PHAF1: variants seen among roughly 807,000 people sequenced by gnomAD.
The protein encoded by PHAF1 is phagosome assembly factor 1.
A neutral mutation model predicts 63.1 loss-of-function variants in PHAF1; 23 were observed. That is an observed-to-expected ratio of 0.36 (90% CI 0.26 to 0.52). PHAF1 has a LOEUF of 0.52. Among genes scored for constraint, PHAF1 ranks in the 20% least tolerant of loss-of-function variants. The pLI, the probability that PHAF1 is intolerant of heterozygous loss-of-function variation, is 0.93. For synonymous variants in PHAF1, 167 were observed against 185.0 expected, an observed-to-expected ratio of 0.90 and a Z score of 0.79; for missense variants, 427 against 517.2, an observed-to-expected ratio of 0.83 and a Z score of 1.69.
At chr16:67,118,249 G>A (rs1280653465) in intron 1 of PHAF1, among the ~76,000 whole-genome samples, 27 of 140,824 alleles carry the variant, frequency 1.9e-4, no homozygotes, top group African/African-American at 6.6e-4. Context: ...CTGGGATTAC[G>A]GACGTGAGCC....
chr16:67,116,559 C>G (rs1423688684), intron 1 of PHAF1, among the ~76,000 whole-genome samples: 3 of 152,170 alleles, frequency 2.0e-5, no homozygotes, highest in Non-Finnish European at 4.4e-5. Context: ...ATTCAATAGT[C>G]ACTGTATTGG....
chr16:67,134,778 T>C lies in PHAF1; in HGVS notation c.661+311T>C, dbSNP rs536238201. The C allele has an allele frequency of 2.0e-5, 10 of 497,000 alleles. No individual in the cohort carries two copies. In the East Asian group the frequency reaches 4.6e-4, roughly 23 times the overall value. 30.8% of individuals were successfully genotyped at this position (497,000 alleles called of 1,614,324 possible). A position where few individuals can be genotyped will look rare whatever the true frequency, so the allele number is the denominator to read the frequency against. ...CCTGGAGTCTGTTTTTTAACGGCACTGATCTCAATCCTGAGGTCTCTGCTT... is the reference window on the plus strand; with the variant it reads ...CCTGGAGTCTGTTTTTTAACGGCACCGATCTCAATCCTGAGGTCTCTGCTT... On this transcript the variant is annotated intron_variant, in intron 8 of 15. Coordinates refer to ENST00000219139, the MANE Select transcript of PHAF1 (RefSeq NM_025187.5).
In PHAF1 at chr16:67,120,196, T is replaced by A. The variant is rs1188904458; in HGVS notation, c.147+2T>A. 2 of 1,611,986 alleles carry A rather than the reference T, an allele frequency of 1.2e-6. No individual in the cohort carries two copies. Among genetic ancestry groups the A allele is most frequent in the African/African-American group, 2.7e-5 (2 of 74,826 alleles). On this transcript the variant is annotated splice_donor_variant, in intron 2 of 15. Transcript: ENST00000219139. LOFTEE classifies it high-confidence loss of function. ...GTCCAGGTTCTCTACAGTGAACAGGTGAGTGGTGGCTGATTTGTTTATTGA... is the reference window on the plus strand; with the variant it reads ...GTCCAGGTTCTCTACAGTGAACAGGAGAGTGGTGGCTGATTTGTTTATTGA...
At chr16:67,138,257 T>C (rs1963680646) in intron 8 of PHAF1, among the ~76,000 whole-genome samples, 1 of 152,096 alleles carries the variant, frequency 6.6e-6, no homozygotes, top group Admixed American at 6.6e-5. Context: ...TTTTGGTGGG[T>C]TCTATAGGTC....
intron 15 of PHAF1, 45 bp from the exon 16 acceptor site, chr16:67,147,000 C>G (rs1197193008): frequency 6.6e-7 from 1 of 1,524,606 alleles, no homozygotes; most frequent in Admixed American, 1.7e-5. Context: ...CTGCCTACAT[C>G]CCTTTACCTC....
Position 67,140,073 on chromosome 16 carries a change from A to G in PHAF1, c.751A>G (p.Met251Val), listed in dbSNP as rs144133892. The G allele has an allele frequency of 1.2e-5, 19 of 1,614,042 alleles. No homozygotes were observed. Among genetic ancestry groups the G allele is most frequent in the East Asian group, 6.7e-5 (3 of 44,906 alleles). Residue 251 changes from methionine (M) to valine (V), a missense_variant, in exon 9 of 16, where the codon ATG becomes GTG. Coordinates refer to ENST00000219139, the MANE Select transcript of PHAF1 (RefSeq NM_025187.5). ...TGATTCCTGCCAAGATGTTCTTAGC[A>G]TGCTTGGCTCTCCACACAAAGTCTT... ...FGDSCQDVLSMLGSPHKVFYK... is the reference protein window; with the variant it reads ...FGDSCQDVLSVLGSPHKVFYK...
intron 1 of PHAF1, among the ~76,000 whole-genome samples, chr16:67,114,004 G>A (rs1318150848): frequency 6.6e-6 from 1 of 152,090 alleles, no homozygotes; most frequent in Non-Finnish European, 1.5e-5. Context: ...GCCCTGAAAT[G>A]TTTTCAATGA....
At chr16:67,134,548 T>C in intron 8 of PHAF1, 81 bp downstream of exon 8, 1 of 1,163,250 alleles carries the variant, frequency 8.6e-7, no homozygotes, top group Non-Finnish European at 1.3e-6. Flanking sequence ...GCTTAGGGTG[T>C]GTCTCAGTCC....
intron 15 of PHAF1, 68 bp from the exon 16 acceptor site, chr16:67,146,977 T>G: frequency 1.4e-6 from 2 of 1,412,342 alleles, no homozygotes; most frequent in Middle Eastern, 1.8e-4. Context: ...CCTCCAGCCC[T>G]CATGCACAGG....
At chr16:67,137,120 G>C (rs1164219445) in intron 8 of PHAF1, among the ~76,000 whole-genome samples, 2 of 150,460 alleles carry the variant, frequency 1.3e-5, no homozygotes, top group South Asian at 2.1e-4. Flanking sequence ...GCGCCACCGC[G>C]CTCCAGCCTG....
At position 67,132,996 on chromosome 16, in the gene PHAF1, G is replaced by T. The variant is rs1963465717; in HGVS notation, c.450+85G>T. 8.1e-6 allele frequency: 9 copies of T among 1,111,650 alleles called. No homozygotes were observed. In the East Asian group the frequency reaches 2.1e-4, roughly 26 times the overall value. The allele number at this position is 1,111,650 out of a possible 1,614,324, so 68.9% of individuals were successfully genotyped here. ...GGTGTCATGGGATGGGAATAGAGGA[G>T]TGGGTATTAGATAGGCAGACTTTCT... On this transcript the variant is annotated intron_variant, in intron 6 of 15. Transcript: ENST00000219139.
At chr16:67,139,911 T>C in intron 8 of PHAF1, 73 bp from the exon 9 acceptor site, 2 of 1,555,528 alleles carry the variant, frequency 1.3e-6, no homozygotes, top group Non-Finnish European at 8.8e-7. Flanking sequence ...AGCCAGTAGC[T>C]TCTCTGGGGC....
intron 2 of PHAF1, among the ~76,000 whole-genome samples, chr16:67,123,581 T>A (rs1056246156): frequency 1.3e-5 from 2 of 151,844 alleles, no homozygotes; most frequent in Non-Finnish European, 2.9e-5. Context: ...TCAAAAAAAA[T>A]TTTTTTGTAG....
At chr16:67,121,930 C>T (rs1691738699) in intron 2 of PHAF1, among the ~76,000 whole-genome samples, 1 of 151,910 alleles carries the variant, frequency 6.6e-6, no homozygotes, top group Non-Finnish European at 1.5e-5. Context: ...CAGTATCTTG[C>T]TTTGTCATCC....
chr16:67,125,176 G>A (rs187552369), intron 2 of PHAF1, among the ~76,000 whole-genome samples: 15 of 152,284 alleles, frequency 9.9e-5, no homozygotes, highest in Admixed American at 9.8e-4. Context: ...AGGGATGAAA[G>A]TATTCCCATG....
At chr16:67,137,876 A>T (rs1424677202) in intron 8 of PHAF1, among the ~76,000 whole-genome samples, 2 of 152,166 alleles carry the variant, frequency 1.3e-5, no homozygotes, top group African/African-American at 4.8e-5. Context: ...TTGTTAAGTC[A>T]GGGCCTCAAA....
At position 67,147,320 on chromosome 16, in the gene PHAF1, A is replaced by C. The variant is rs1471260501; in HGVS notation, c.*189A>C. On this transcript the variant is annotated 3_prime_UTR_variant, in exon 16 of 16. Coordinates refer to ENST00000219139, the MANE Select transcript of PHAF1 (RefSeq NM_025187.5). ...GAGTGGCCCAGATATTCTTCTGTCC[A>C]TCTTTGGCCTGCTGGTGCCAGCAGG... is the stretch of plus-strand genomic sequence containing the variant. 1.8e-6 allele frequency: 1 copy of C among 568,984 alleles called. No homozygotes were observed. Among genetic ancestry groups the C allele is most frequent in the East Asian group, 3.0e-5 (1 of 33,670 alleles). 35.2% of individuals were successfully genotyped at this position (568,984 alleles called of 1,614,324 possible).
chr16:67,131,399 T>A, intron 4 of PHAF1, 70 bp downstream of exon 4: 10 of 1,123,274 alleles, frequency 8.9e-6, no homozygotes, highest in Non-Finnish European at 1.3e-5. Flanking sequence ...TCTTCATAAG[T>A]TAGTAAAGAT....
chr16:67,132,886 C>CA lies in PHAF1; in HGVS notation c.426dup (p.Trp143MetfsTer3). ...CTGTCTTTCTCTTTTCAGTTAGACT[C>CA]ATGGACTGAGGCTCCAAAGTATGAG... On this transcript the variant is annotated frameshift_variant, in exon 6 of 16. Coordinates refer to ENST00000219139, the MANE Select transcript of PHAF1 (RefSeq NM_025187.5). LOFTEE classifies it high-confidence loss of function. 6.2e-7 allele frequency: 1 copy of CA among 1,612,730 alleles called. No individual in the cohort carries two copies. The highest frequency in any genetic ancestry group is 8.5e-7 in the Non-Finnish European group (1 of 1,178,664).
Sources: allele counts gnomAD v4.1 joint callset (sites outside exome capture counted in the v4.1 genomes callset), GRCh38; gene constraint gnomAD v4.1.1; transcripts MANE v1.5; gene names NCBI Gene and HGNC (gene_info 2026-07-23, HGNC 2026-07-21).